The following YAE1 variants were observed in gnomAD, a reference collection of about 807,000 sequenced individuals.
YAE1 encodes the protein protein YAE1 homolog.
YAE1 carries 22 observed loss-of-function variants against 23.0 expected under a neutral mutation model. The observed-to-expected ratio is 0.96, with a 90% CI of 0.68 to 1.37. The LOEUF is 1.37. Ranked by LOEUF, YAE1 falls within the 40% of genes most tolerant of loss-of-function variation. The pLI, the probability that YAE1 is intolerant of heterozygous loss-of-function variation, is 0.00. For missense variants in YAE1, 260 were observed against 262.1 expected (o/e 0.99, Z 0.06); for synonymous variants, 101 against 97.0 (o/e 1.04, Z -0.24).
chr7:39,576,360 C>T (rs1359146589), downstream of YAE1, among the ~76,000 whole-genome samples: 1 of 152,178 alleles, frequency 6.6e-6, no homozygotes, highest in African/African-American at 2.4e-5. Context: ...TAGATTTATT[C>T]CCTTTTGTTT....
chr7:39,574,669 G>A (rs991063734), downstream of YAE1, among the ~76,000 whole-genome samples: 1 of 148,384 alleles, frequency 6.7e-6, no homozygotes, highest in Non-Finnish European at 1.5e-5. Context: ...GGAAGCGGAG[G>A]TTGCAGTGAG....
intron 2 of YAE1, among the ~76,000 whole-genome samples, chr7:39,598,784 C>CAA (rs60563799): frequency 1.0e-4 from 8 of 77,192 alleles, no homozygotes; most frequent in East Asian, 4.7e-4. Context: ...GGTCCTGTCT[C>CAA]AAAAAAAAAA....
At chr7:39,606,944 T>C (rs887845272) in intron 2 of YAE1, among the ~76,000 whole-genome samples, 9 of 152,242 alleles carry the variant, frequency 5.9e-5, no homozygotes, top group African/African-American at 2.2e-4. Flanking sequence ...AAAATTTTTA[T>C]TCCTTTCTAA....
intron 1 of YAE1, 174 bp downstream of exon 1, chr7:39,566,721 A>G: frequency 2.1e-6 from 2 of 934,444 alleles, no homozygotes; most frequent in Non-Finnish European, 3.0e-6. Context: ...GAAAGCGTGT[A>G]AAACAACAAG....
At chr7:39,579,225 C>T (rs989209075) in intron 2 of YAE1, among the ~76,000 whole-genome samples, 5 of 152,132 alleles carry the variant, frequency 3.3e-5, no homozygotes, top group Admixed American at 2.6e-4. Context: ...ATTAGGAAAT[C>T]GAGGCACCAA....
chr7:39,570,367 A>T, intron 1 of YAE1, 139 bp from the exon 2 acceptor site: 4 of 967,358 alleles, frequency 4.1e-6, no homozygotes, highest in Non-Finnish European at 6.3e-6. Flanking sequence ...TGCTTTAGTT[A>T]TATTGTTATG....
chr7:39,604,958 T>C (rs373751142), intron 2 of YAE1, among the ~76,000 whole-genome samples: 2 of 152,332 alleles, frequency 1.3e-5, no homozygotes, highest in Non-Finnish European at 1.5e-5. Context: ...AAATAGAATA[T>C]AGACTTACTC....
At chr7:39,586,508 C>CT (rs376040687) in intron 2 of YAE1, among the ~76,000 whole-genome samples, 4,968 of 135,642 alleles carry the variant, frequency 0.037, 127 homozygotes, top group Non-Finnish European at 0.053. Flanking sequence ...TTCTTTCTTT[C>CT]TTTTTTTTTT....
chr7:39,597,757 T>C (rs1349512529), intron 2 of YAE1, among the ~76,000 whole-genome samples: 1 of 152,074 alleles, frequency 6.6e-6, no homozygotes, highest in Non-Finnish European at 1.5e-5. Flanking sequence ...CTTAACCCCA[T>C]CCTTTCACTT....
In YAE1 at chr7:39,566,473, G is replaced by A. The variant is rs745665875; in HGVS notation, c.55G>A (p.Val19Met). Reference sequence around the variant, plus strand: ...CCAGGGCCCTGGAGACAAAGGGGACGTGTTTGACGAAGAAGCAGACGAGTC... The same window carrying A: ...CCAGGGCCCTGGAGACAAAGGGGACATGTTTGACGAAGAAGCAGACGAGTC... ...LIQGPGDKGD[V>M]FDEEADESLL... Residue 19 changes from valine (V) to methionine (M), a missense_variant, in exon 1 of 3, where the codon GTG becomes ATG. Physicochemically the swap from Val to Met is conservative, Grantham distance 21. Coordinates refer to ENST00000223273, the MANE Select transcript of YAE1 (RefSeq NM_020192.5). 2.5e-6 allele frequency: 4 copies of A among 1,614,222 alleles called. No individual in the cohort carries two copies. In the East Asian group the frequency reaches 6.7e-5, roughly 27 times the overall value.
exon 3 of YAE1, chr7:39,609,856 G>A (rs1374024950): frequency 6.5e-7 from 1 of 1,533,566 alleles, no homozygotes; most frequent in South Asian, 1.2e-5. Flanking sequence ...AGCCACCGCC[G>A]GCGTTTCAGA....
At position 39,567,481 on chromosome 7, in the gene YAE1, A is replaced by G. The variant is rs150319294; in HGVS notation, c.129+934A>G. 1.8e-4 allele frequency among the ~76,000 whole-genome samples: 28 copies of G among 151,862 alleles called. No individual in the cohort carries two copies. In the East Asian group the frequency reaches 2.1e-3, roughly 12 times the overall value. The stretch of plus-strand genomic sequence containing the variant: ...CTCATCATCCTTTTTTTTTTAAACA[A>G]TTTCCTCTCTCTGCTTTGCCCTGTC... On this transcript the variant is annotated intron_variant, in intron 1 of 2. Transcript: ENST00000223273.
At chr7:39,577,185 C>T (rs373674017), downstream of YAE1, among the ~76,000 whole-genome samples, 48 of 152,344 alleles carry the variant, frequency 3.2e-4, no homozygotes, top group African/African-American at 1.1e-3. Flanking sequence ...CGTGAGCCAC[C>T]ACACCTGCCT....
chr7:39,580,380 C>A (rs1200828565), intron 2 of YAE1, among the ~76,000 whole-genome samples: 1 of 152,200 alleles, frequency 6.6e-6, no homozygotes, highest in African/African-American at 2.4e-5. Context: ...AGCCAAGAGT[C>A]CTCAGTGTGT....
chr7:39,585,934 C>A (rs368980606), intron 2 of YAE1, among the ~76,000 whole-genome samples: 2 of 152,052 alleles, frequency 1.3e-5, no homozygotes, highest in East Asian at 3.9e-4. Context: ...AAAACCTCAT[C>A]TCTACAAAAA....
intron 2 of YAE1, among the ~76,000 whole-genome samples, chr7:39,586,795 C>A (rs1790824325): frequency 6.6e-6 from 1 of 152,226 alleles, no homozygotes; most frequent in Non-Finnish European, 1.5e-5. Flanking sequence ...CTGCAGTCGG[C>A]CGATAACTAT....
At chr7:39,588,924 A>AG (rs1790860909) in intron 2 of YAE1, among the ~76,000 whole-genome samples, 1 of 152,022 alleles carries the variant, frequency 6.6e-6, no homozygotes, top group African/African-American at 2.4e-5. Context: ...TCCGGGTTCA[A>AG]CAATTCTCCT....
intron 2 of YAE1, among the ~76,000 whole-genome samples, chr7:39,588,852 CTT>C (rs1455522257): frequency 6.7e-6 from 1 of 150,348 alleles, no homozygotes; most frequent in Non-Finnish European, 1.5e-5. Context: ...GAGACAGAGT[CTT>C]TATCTGTCGC....
At chr7:39,607,276 T>C (rs1791143682) in intron 2 of YAE1, among the ~76,000 whole-genome samples, 1 of 152,234 alleles carries the variant, frequency 6.6e-6, no homozygotes, top group Non-Finnish European at 1.5e-5. Flanking sequence ...CTATGTTAGA[T>C]TATATAGGAA....
Sources: allele counts gnomAD v4.1 joint callset (sites outside exome capture counted in the v4.1 genomes callset), GRCh38; gene constraint gnomAD v4.1.1; transcripts MANE v1.5; gene names NCBI Gene and HGNC (gene_info 2026-07-23, HGNC 2026-07-21).